The following STOX2 variants were observed in gnomAD, a reference collection of about 807,000 sequenced individuals.
STOX2 encodes the protein storkhead box 2, also known as storkhead-box protein 2.
In STOX2, 28 loss-of-function variants were observed where a neutral mutation model predicts 60.9. The observed-to-expected ratio is 0.46, with a 90% CI of 0.34 to 0.63. The LOEUF (loss-of-function observed/expected upper bound fraction) is 0.63, where lower values mean the gene tolerates loss of function less well. Ranked by LOEUF, STOX2 falls within the 30% of genes least tolerant of loss-of-function variation. The pLI, the probability that STOX2 is intolerant of heterozygous loss-of-function variation, is 0.01. For missense variants in STOX2, 1,024 were observed against 1,187.7 expected, an observed-to-expected ratio of 0.86 and a Z score of 2.03; for synonymous variants, 472 against 463.9, an observed-to-expected ratio of 1.02 and a Z score of -0.22.
At chr4:183,837,449 C>T (rs1415533250) in intron 1 of STOX2, among the ~76,000 whole-genome samples, 5 of 151,732 alleles carry the variant, frequency 3.3e-5, no homozygotes, top group African/African-American at 1.2e-4. Flanking sequence ...ATGCTATTTT[C>T]AGAGTCCGTG....
At chr4:184,004,594 C>A (rs189560040) in intron 2 of STOX2, among the ~76,000 whole-genome samples, 1 of 123,786 alleles carries the variant, frequency 8.1e-6, no homozygotes, top group African/African-American at 2.7e-5. Context: ...AGCGAGACTC[C>A]GTTTCAAAAA....
At chr4:183,858,414 G>A (rs1490396803) in intron 1 of STOX2, among the ~76,000 whole-genome samples, 3 of 152,162 alleles carry the variant, frequency 2.0e-5, no homozygotes, top group African/African-American at 2.4e-5. Flanking sequence ...CTGTCGTTGC[G>A]CTCAGCTCTG....
At chr4:184,004,135 T>C (rs1395880440) in intron 2 of STOX2, among the ~76,000 whole-genome samples, 3 of 152,218 alleles carry the variant, frequency 2.0e-5, no homozygotes, top group Non-Finnish European at 4.4e-5. Flanking sequence ...TTTAGTTCTT[T>C]TATATCTTAC....
Position 183,865,724 on chromosome 4 carries a change from G to A in STOX2, c.364+67669G>A, listed in dbSNP as rs902549158. ...GTTTGGATGGGGAAGAGGAGGTGAC[G>A]GAGGTTGCAAGGAGGGGAACGAAAT... On this transcript the variant is annotated intron_variant, in intron 1 of 2. Transcript: ENST00000513034. This position sits in a 1 kb window ranked among gnomAD's most constrained non-coding sequence, Gnocchi z 4.1. 2.0e-5 allele frequency among the ~76,000 whole-genome samples: 3 copies of A among 152,112 alleles called. No homozygotes were observed. Among genetic ancestry groups the A allele is most frequent in the East Asian group, 1.9e-4 (1 of 5,200 alleles).
rs1385206027 is a variant in STOX2 at position 183,874,962 on chromosome 4, T to A, written c.364+76907T>A. 1.9e-3 allele frequency among the ~76,000 whole-genome samples: 135 copies of A among 69,262 alleles called. 2 individuals are homozygous for A. Among genetic ancestry groups the A allele is most frequent in the African/African-American group, 6.0e-3 (84 of 13,990 alleles). The allele number at this position is 69,262 out of a possible 152,430, so 45.4% of individuals were successfully genotyped here. A position where few individuals can be genotyped will look rare whatever the true frequency, so the allele number is the denominator to read the frequency against. ...AAAAAAAAAAAAAAAAATATATATATATATATATATATATATATATATATA... is the reference window on the plus strand; with the variant it reads ...AAAAAAAAAAAAAAAAATATATATAAATATATATATATATATATATATATA... On this transcript the variant is annotated intron_variant, in intron 1 of 2. Transcript: ENST00000513034.
Position 184,010,354 on chromosome 4 carries a change from C to T in STOX2, c.1516C>T (p.Leu506=), listed in dbSNP as rs777361980. The change falls in exon 3 of 4, where the codon CTA becomes TTA. Residue 506 remains leucine, a synonymous_variant. Coordinates refer to ENST00000308497, the MANE Select transcript of STOX2 (RefSeq NM_020225.3). The surrounding 1 kb of genome is among the most constrained non-coding windows in gnomAD (Gnocchi z 4.5). The part of the protein sequence containing the change: ...NSKGPLGASS[L]GTPEDLAEGC... The stretch of plus-strand genomic sequence containing the variant: ...CAAAGGCCCTCTGGGTGCTTCTTCT[C>T]TAGGGACGCCGGAAGACCTTGCTGA... 1 of 1,611,362 alleles carries T rather than the reference C, an allele frequency of 6.2e-7. No individual in the cohort carries two copies. Among genetic ancestry groups the T allele is most frequent in the East Asian group, 2.2e-5 (1 of 44,772 alleles).
At position 184,009,447 on chromosome 4, in the gene STOX2, A is replaced by G. The variant is rs565755187; in HGVS notation, c.609A>G (p.Arg203=). The G allele has an allele frequency of 6.2e-7, 1 of 1,614,060 alleles. No individual in the cohort carries two copies. Among genetic ancestry groups the G allele is most frequent in the South Asian group, 1.1e-5 (1 of 91,082 alleles). Reference sequence around the variant, plus strand: ...ACTGCGACTCTTGCCACTGCTGCAGAGAAGACGTGCACAGCACGCATGCAC... The same window carrying G: ...ACTGCGACTCTTGCCACTGCTGCAGGGAAGACGTGCACAGCACGCATGCAC... ...RNHCDSCHCC[R]EDVHSTHAPT... is the part of the protein sequence containing the mutation. Residue 203 remains arginine (R), a synonymous_variant, in exon 3 of 4, where the codon AGA becomes AGG. Transcript: ENST00000308497. The surrounding 1 kb of genome is among the most constrained non-coding windows in gnomAD (Gnocchi z 4.0).
At chr4:183,968,351 C>A (rs895699394) in intron 1 of STOX2, among the ~76,000 whole-genome samples, 3 of 91,416 alleles carry the variant, frequency 3.3e-5, no homozygotes, top group African/African-American at 1.1e-4. Flanking sequence ...CCTACACACA[C>A]ACACACACAC....
intron 1 of STOX2, among the ~76,000 whole-genome samples, chr4:183,840,162 T>C (rs1210720843): frequency 1.3e-5 from 2 of 152,174 alleles, no homozygotes; most frequent in Non-Finnish European, 2.9e-5. Context: ...AAATTGATAA[T>C]GTAACTTTTG....
chr4:183,931,802 G>A (rs1219523000), intron 1 of STOX2, among the ~76,000 whole-genome samples: 1 of 152,152 alleles, frequency 6.6e-6, no homozygotes, highest in East Asian at 1.9e-4. Context: ...CAGGCAAATG[G>A]GAACGTATGG....
upstream of STOX2, among the ~76,000 whole-genome samples, chr4:183,904,197 A>G (rs1741528213): frequency 6.6e-6 from 1 of 152,230 alleles, no homozygotes; most frequent in Non-Finnish European, 1.5e-5. Flanking sequence ...TAAGCAATGG[A>G]GAGCTGTTGT....
chr4:183,958,872 A>G (rs1419384260), intron 1 of STOX2, among the ~76,000 whole-genome samples: 1 of 152,076 alleles, frequency 6.6e-6, no homozygotes, highest in African/African-American at 2.4e-5. Flanking sequence ...ACTCCTTTTC[A>G]GTGATATTGA....
At chr4:183,883,998 G>A (rs576910297) in intron 1 of STOX2, among the ~76,000 whole-genome samples, 48 of 151,752 alleles carry the variant, frequency 3.2e-4, no homozygotes, top group African/African-American at 7.7e-4. Flanking sequence ...GACTACAGGC[G>A]CCCGCCACCA....
intron 1 of STOX2, among the ~76,000 whole-genome samples, chr4:183,916,191 C>T (rs750222409): frequency 6.6e-6 from 1 of 152,168 alleles, no homozygotes; most frequent in Non-Finnish European, 1.5e-5. Flanking sequence ...GGGTGGCAGC[C>T]GGCAGGTGGT....
At chr4:183,924,626 G>T (rs1742190257) in intron 1 of STOX2, among the ~76,000 whole-genome samples, 1 of 152,168 alleles carries the variant, frequency 6.6e-6, no homozygotes, top group Non-Finnish European at 1.5e-5. Flanking sequence ...TTGAGGTAGG[G>T]GAGTGACATG....
At chr4:183,986,648 T>C (rs1455461173) in intron 1 of STOX2, among the ~76,000 whole-genome samples, 1 of 152,154 alleles carries the variant, frequency 6.6e-6, no homozygotes, top group Non-Finnish European at 1.5e-5. Context: ...CTGGTTAGTG[T>C]TTGTAGCTAT....
intron 1 of STOX2, among the ~76,000 whole-genome samples, chr4:183,804,519 C>T (rs186756566): frequency 1.1e-4 from 16 of 152,248 alleles, no homozygotes; most frequent in African/African-American, 2.9e-4. Context: ...CCTGTGGGGC[C>T]GTGTGGGATG....
intron 1 of STOX2, among the ~76,000 whole-genome samples, chr4:183,965,858 T>G (rs1579479336): frequency 6.8e-6 from 1 of 147,334 alleles, no homozygotes; most frequent in South Asian, 2.2e-4. Context: ...GGGAAGGGGG[T>G]GGTTAGGGAA....
chr4:183,835,523 C>A (rs916126559), intron 1 of STOX2, among the ~76,000 whole-genome samples: 2 of 152,154 alleles, frequency 1.3e-5, no homozygotes, highest in African/African-American at 2.4e-5. Flanking sequence ...CGTGCCTGGC[C>A]AAACCAATAG....
Sources: allele counts gnomAD v4.1 joint callset (sites outside exome capture counted in the v4.1 genomes callset), GRCh38; gene constraint gnomAD v4.1.1; non-coding constraint Gnocchi (gnomAD v3.1); transcripts MANE v1.5; gene names NCBI Gene and HGNC (gene_info 2026-07-23, HGNC 2026-07-21).